The following HAUS6 variants were observed in gnomAD, a reference collection of about 807,000 sequenced individuals.
HAUS6 encodes the protein HAUS augmin-like complex subunit 6.
Under a neutral mutation model 106.8 loss-of-function variants are expected in HAUS6, and 80 were observed. The observed-to-expected ratio is 0.75, with a 90% CI of 0.63 to 0.90. The LOEUF (loss-of-function observed/expected upper bound fraction) is 0.90, where lower values mean the gene tolerates loss of function less well. Among genes scored for constraint, HAUS6 ranks in the 40% least tolerant of loss-of-function variants. HAUS6 has a pLI of 0.00. For synonymous variants in HAUS6, 356 were observed against 379.1 expected (o/e 0.94, Z 0.71); for missense variants, 1,155 against 1,118.1 (o/e 1.03, Z -0.47).
chr9:19,086,014 C>G (rs965698777), intron 7 of HAUS6, among the ~76,000 whole-genome samples: 1 of 151,264 alleles, frequency 6.6e-6, no homozygotes, highest in African/African-American at 2.4e-5. Context: ...AGTAATAGTA[C>G]TATAAAAAGA....
chr9:19,098,124 G>A (rs771520955), intron 1 of HAUS6, among the ~76,000 whole-genome samples: 24 of 152,130 alleles, frequency 1.6e-4, no homozygotes, highest in Non-Finnish European at 3.1e-4. Flanking sequence ...ATTTGTTGAA[G>A]ATTTGTTCCA....
chr9:19,075,787 C>G (rs1836986346), intron 11 of HAUS6, among the ~76,000 whole-genome samples: 2 of 150,972 alleles, frequency 1.3e-5, no homozygotes, highest in Admixed American at 1.3e-4. Context: ...AACTCCGTCT[C>G]TACTAAAAAT....
Position 19,082,861 on chromosome 9 carries a change from T to A in HAUS6, c.870+12A>T, listed in dbSNP as rs373769021. On this transcript the variant is annotated intron_variant, in intron 8 of 16. Transcript: ENST00000380502. ...AGTTTTCTCAAAAGCTTCCTTAATA[T>A]CAAATGCTTACCTGAAACATTTGTT... 1 of 1,405,400 alleles carries A rather than the reference T, an allele frequency of 7.1e-7. No individual in the cohort carries two copies. Among genetic ancestry groups the A allele is most frequent in the Non-Finnish European group, 9.5e-7 (1 of 1,055,298 alleles). The allele number at this position is 1,405,400 out of a possible 1,614,324, so 87.1% of individuals were successfully genotyped here.
chr9:19,078,810 T>C, intron 9 of HAUS6, among the ~76,000 whole-genome samples: 1 of 116,600 alleles, frequency 8.6e-6, no homozygotes, highest in Non-Finnish European at 1.8e-5. Context: ...AAATAAAAAA[T>C]AAATAAATAA....
chr9:19,087,156 T>A lies in HAUS6; in HGVS notation c.585A>T (p.Gln195His), dbSNP rs7875404. The A allele has an allele frequency of 8.9e-6, 13 of 1,456,098 alleles. No homozygotes were observed. The highest frequency in any genetic ancestry group is 1.3e-5 in the Non-Finnish European group (13 of 1,037,392). The allele number at this position is 1,456,098 out of a possible 1,614,324, so 90.2% of individuals were successfully genotyped here. A position where few individuals can be genotyped will look rare whatever the true frequency, so the allele number is the denominator to read the frequency against. Residue 195 changes from glutamine to histidine, a missense_variant and splice_region_variant, in exon 6 of 17, where the codon CAA (glutamine) becomes CAT (histidine). By Grantham distance (24) the Gln-to-His change is conservative. Coordinates refer to ENST00000380502, the MANE Select transcript of HAUS6 (RefSeq NM_017645.5). ...CVTQKYQENA[Q>H]LSVKQVRNLR... The stretch of plus-strand genomic sequence containing the variant: ...AGTTTCGTACCTGCTTAACTGATAA[T>A]CTGCAAGAAAACATACAAAATGACA...
intron 12 of HAUS6, among the ~76,000 whole-genome samples, chr9:19,067,889 T>A (rs1210177057): frequency 6.6e-6 from 1 of 152,098 alleles, no homozygotes; most frequent in Non-Finnish European, 1.5e-5. Flanking sequence ...AGACGGGGTT[T>A]CACCATGTTG....
At chr9:19,063,249 G>A in intron 13 of HAUS6, 56 bp from the exon 14 acceptor site, 2 of 1,167,094 alleles carry the variant, frequency 1.7e-6, no homozygotes, top group South Asian at 1.5e-5. Context: ...TGATCCTGAA[G>A]CTGTCTTCAT....
chr9:19,094,744 T>C (rs187666212), intron 2 of HAUS6, among the ~76,000 whole-genome samples: 1 of 152,150 alleles, frequency 6.6e-6, no homozygotes, highest in African/African-American at 2.4e-5. Flanking sequence ...TGAGCCAAGA[T>C]GGCACCACTG....
chr9:19,087,690 C>T (rs930354351), intron 5 of HAUS6, among the ~76,000 whole-genome samples: 1 of 151,412 alleles, frequency 6.6e-6, no homozygotes. Flanking sequence ...CCTGTCTCTA[C>T]AAAAAAATTT....
intron 4 of HAUS6, among the ~76,000 whole-genome samples, chr9:19,092,916 CAAA>C (rs71494998): frequency 6.6e-5 from 5 of 76,212 alleles, no homozygotes; most frequent in Admixed American, 1.5e-4. Context: ...AACTGTGTCT[CAAA>C]AAAAAAAAAA....
intron 15 of HAUS6, among the ~76,000 whole-genome samples, 166 bp from the exon 16 acceptor site, chr9:19,059,167 G>T (rs555085572): frequency 6.6e-6 from 1 of 152,054 alleles, no homozygotes. Context: ...TCCCAACATC[G>T]AAGAACCCCA....
intron 8 of HAUS6, 112 bp downstream of exon 8, chr9:19,082,761 A>G: frequency 2.4e-6 from 1 of 415,360 alleles, no homozygotes. Context: ...CAAAAAAAAA[A>G]CAAAAAACAA....
rs1225716352 is a variant in HAUS6 at position 19,063,065 on chromosome 9, A to C, written c.1572T>G (p.Ser524=). Residue 524 remains serine (S), a synonymous_variant, in exon 14 of 17, where the codon TCT becomes TCG. Coordinates refer to ENST00000380502, the MANE Select transcript of HAUS6 (RefSeq NM_017645.5). The stretch of plus-strand genomic sequence containing the variant: ...ATGGATCACTTTTTTTAGCTGGCAA[A>C]GACCCTCCAAATGCACTACTCTCTG... ...KNTESSAFGG[S]LPAKKSDPFQ... is the part of the protein sequence containing the mutation. 5 of 1,611,514 alleles carry C rather than the reference A, an allele frequency of 3.1e-6. No homozygotes were observed. In the South Asian group the frequency reaches 5.5e-5, roughly 18 times the overall value.
At chr9:19,084,481 T>A (rs1837240661) in intron 7 of HAUS6, among the ~76,000 whole-genome samples, 1 of 152,182 alleles carries the variant, frequency 6.6e-6, no homozygotes, top group Non-Finnish European at 1.5e-5. Context: ...AGCTATATAC[T>A]TATGAGTTAC....
chr9:19,095,396 G>T (rs746850286), intron 2 of HAUS6, among the ~76,000 whole-genome samples: 1 of 151,452 alleles, frequency 6.6e-6, no homozygotes, highest in African/African-American at 2.4e-5. Context: ...AGACTAAAAG[G>T]CTAGAATGTC....
Position 19,058,379 on chromosome 9 carries a change from C to G in HAUS6, c.2388G>C (p.Glu796Asp), listed in dbSNP as rs561181097. The G allele has an allele frequency of 2.5e-6, 4 of 1,613,874 alleles. No homozygotes were observed. The highest frequency in any genetic ancestry group is 2.2e-5 in the South Asian group (2 of 91,076). Residue 796 changes from glutamate (E) to aspartate (D), a missense_variant, in exon 16 of 17, where the codon GAG becomes GAC. Transcript: ENST00000380502. ...HLSFNSSSSS[E>D]ANFKLEPNSP... is the part of the protein sequence containing the mutation. ...TATTTGGCTCCAGTTTAAAATTGGC[C>G]TCTGAACTACTGGAACTATTAAAAC...
At chr9:19,088,811 G>C (rs1318112264) in intron 5 of HAUS6, among the ~76,000 whole-genome samples, 1 of 147,486 alleles carries the variant, frequency 6.8e-6, no homozygotes, top group African/African-American at 2.6e-5. Context: ...CCAGAAGGTG[G>C]AGGTTGCAGT....
chr9:19,059,784 C>T (rs1314105094), intron 15 of HAUS6, among the ~76,000 whole-genome samples: 2 of 152,038 alleles, frequency 1.3e-5, no homozygotes, highest in African/African-American at 4.8e-5. Context: ...CAGGTCAGAC[C>T]AGGAGGCAAG....
intron 7 of HAUS6, among the ~76,000 whole-genome samples, chr9:19,085,861 T>C (rs1239734443): frequency 2.0e-5 from 3 of 152,220 alleles, no homozygotes; most frequent in Middle Eastern, 6.8e-3. Context: ...GTGGAGAATT[T>C]CAAATTAATC....
Sources: gnomAD v4.1 joint callset for allele counts (sites outside exome capture counted in the v4.1 genomes callset) on GRCh38, gnomAD v4.1.1 for gene constraint, MANE v1.5 for transcripts, NCBI Gene and HGNC (gene_info 2026-07-23, HGNC 2026-07-21) for gene names.